The following NFKB1 variants were observed in gnomAD, a reference collection of about 807,000 sequenced individuals.
The protein encoded by NFKB1 is nuclear factor kappa B subunit 1.
Under a neutral mutation model 105.1 loss-of-function variants are expected in NFKB1, and 9 were observed. The ratio of observed to expected loss-of-function variants is 0.09; its 90% CI spans 0.05 to 0.15. The LOEUF is 0.15. Among genes scored for constraint, NFKB1 ranks in the 10% least tolerant of loss-of-function variants. The probability of loss-of-function intolerance (pLI) is 1.00; values close to 1 mark genes in which losing one functional copy is unlikely to be tolerated. For synonymous variants in NFKB1, 440 were observed against 442.2 expected (o/e 1.00, Z 0.06); for missense variants, 830 against 1,203.7 (o/e 0.69, Z 4.59).
intron 14 of NFKB1, 54 bp downstream of exon 14, chr4:102,596,386 T>C (rs1726620206): frequency 7.0e-7 from 1 of 1,429,790 alleles, no homozygotes; most frequent in Non-Finnish European, 9.4e-7. Context: ...GGGTCAGTCC[T>C]AGGTGCAGAA....
At chr4:102,599,731 A>T (rs1274578850) in intron 15 of NFKB1, among the ~76,000 whole-genome samples, 1 of 152,204 alleles carries the variant, frequency 6.6e-6, no homozygotes, top group Non-Finnish European at 1.5e-5. Flanking sequence ...TCTCAGTTTC[A>T]TTAGCTGAAA....
chr4:102,536,408 A>G (rs1741638064), intron 4 of NFKB1, among the ~76,000 whole-genome samples: 1 of 152,158 alleles, frequency 6.6e-6, no homozygotes, highest in African/African-American at 2.4e-5. Flanking sequence ...GAAATTTCCC[A>G]GACCGGGGAA....
chr4:102,544,691 T>C (rs1721995994), intron 5 of NFKB1, among the ~76,000 whole-genome samples: 2 of 152,308 alleles, frequency 1.3e-5, no homozygotes, highest in East Asian at 3.9e-4. Context: ...AATATTTTTT[T>C]AAATAGCCCT....
At chr4:102,516,980 C>G (rs1185133611) in intron 1 of NFKB1, among the ~76,000 whole-genome samples, 1 of 152,170 alleles carries the variant, frequency 6.6e-6, no homozygotes, top group African/African-American at 2.4e-5. Flanking sequence ...ATTACAAATT[C>G]AGTGTCTCTC....
intron 22 of NFKB1, 120 bp downstream of exon 22, chr4:102,612,726 C>T (rs1728542787): frequency 1.0e-6 from 1 of 1,004,120 alleles, no homozygotes; most frequent in Non-Finnish European, 1.4e-6. Flanking sequence ...CAGTCATTGC[C>T]CAAGGCCTGG....
At chr4:102,518,538 A>G (rs914481422) in intron 1 of NFKB1, among the ~76,000 whole-genome samples, 1 of 152,048 alleles carries the variant, frequency 6.6e-6, no homozygotes, top group African/African-American at 2.4e-5. Flanking sequence ...GTTTTTGCCT[A>G]TTTGCCTTCC....
At chr4:102,602,313 G>A (rs2149215177) in intron 16 of NFKB1, among the ~76,000 whole-genome samples, 1 of 151,632 alleles carries the variant, frequency 6.6e-6, no homozygotes, top group East Asian at 1.9e-4. Context: ...GGCGGATCAT[G>A]AGATCAGGAG....
intron 11 of NFKB1, among the ~76,000 whole-genome samples, chr4:102,589,263 G>A (rs1174895507): frequency 6.6e-6 from 1 of 152,124 alleles, no homozygotes; most frequent in African/African-American, 2.4e-5. Flanking sequence ...ATTTATTTCT[G>A]AAGATAAATA....
rs746552172 is a variant in NFKB1, at chr4:102,577,675, C to T, written c.571+636C>T. On this transcript the variant is annotated intron_variant, in intron 7 of 23. Transcript: ENST00000226574. ...CATCTGATACTCATGTGATTCAAAA[C>T]CGATTATCAGTTTTCCACTAAATAT... is the stretch of plus-strand genomic sequence containing the variant. The T allele has an allele frequency of 7.9e-5, 19 of 241,624 alleles. 1 individual carries two copies. Among genetic ancestry groups the T allele is most frequent in the Admixed American group, 3.2e-4 (5 of 15,402 alleles). 15.0% of individuals were successfully genotyped at this position (241,624 alleles called of 1,614,324 possible).
In NFKB1 at chr4:102,610,619, G is replaced by A; in HGVS notation, c.2272G>A (p.Asp758Asn). ...VENFEPLYDL[D>N]DSWENAGEDE... The stretch of plus-strand genomic sequence containing the variant: ...GAACTTTGAGCCTCTCTATGACCTG[G>A]ATGACTCTTGGGAAAATGCAGGAGA... The change falls in exon 20 of 24, where the codon GAT becomes AAT. Residue 758 changes from aspartate (D) to asparagine (N), a missense_variant. Physicochemically the swap from Asp to Asn is conservative, Grantham distance 23. Transcript: ENST00000226574. The A allele has an allele frequency of 6.2e-7, 1 of 1,614,012 alleles. No homozygotes were observed. The highest frequency in any genetic ancestry group is 8.5e-7 in the Non-Finnish European group (1 of 1,179,964).
intron 5 of NFKB1, among the ~76,000 whole-genome samples, chr4:102,557,635 A>T (rs1035085537): frequency 5.9e-5 from 9 of 152,316 alleles, no homozygotes; most frequent in African/African-American, 2.2e-4. Flanking sequence ...CAAATCCTGG[A>T]TCCCTGAGGG....
At chr4:102,529,947 C>A in intron 3 of NFKB1, 33 bp downstream of exon 3, 1 of 1,482,952 alleles carries the variant, frequency 6.7e-7, no homozygotes, top group Non-Finnish European at 9.4e-7. Context: ...CCCTGTTGTT[C>A]TGCTTTCAGT....
intron 5 of NFKB1, among the ~76,000 whole-genome samples, chr4:102,544,455 G>A (rs230520): frequency 0.73 from 110,783 of 152,036 alleles, 41,716 homozygotes; most frequent in African/African-American, 0.92. Flanking sequence ...GCTCTTCCAT[G>A]CATTTGCAGA....
chr4:102,533,862 C>A lies in NFKB1; in HGVS notation c.136C>A (p.Gln46Lys). 6.2e-7 allele frequency: 1 copy of A among 1,612,470 alleles called. No homozygotes were observed. ...GTTTTTAGCAGATGGCCCATACCTT[C>A]AAATATTAGAGCAACCTAAACAGGT... ...ALPTADGPYL[Q>K]ILEQPKQRGF... Residue 46 changes from glutamine (Q) to lysine (K), a missense_variant, in exon 4 of 24, where the codon CAA becomes AAA. Around this residue, in one of 8 missense-constraint regions of NFKB1, gnomAD observed 15 missense variants for 45.9 expected, o/e 0.33. Transcript: ENST00000226574.
rs4648093 is a variant in NFKB1, at chr4:102,606,498, G to C, written c.1755G>C (p.Thr585=). The change falls in exon 17 of 24, where the codon ACG becomes ACC. Residue 585 remains threonine, a splice_region_variant and synonymous_variant. Transcript: ENST00000226574. ...TCTCCTGCCCTTTCACTTTCCAGACGCCCTTGCACTTGGCAGTGATCACTA... is the reference window on the plus strand; with the variant it reads ...TCTCCTGCCCTTTCACTTTCCAGACCCCCTTGCACTTGGCAGTGATCACTA... ...IINMRNDLYQ[T]PLHLAVITKQ... 1 of 1,613,836 alleles carries C rather than the reference G, an allele frequency of 6.2e-7. No individual in the cohort carries two copies.
In NFKB1 at chr4:102,567,188, T is replaced by C. The variant is rs956995640; in HGVS notation, c.407+53T>C. 5 of 1,580,406 alleles carry C rather than the reference T, an allele frequency of 3.2e-6. No homozygotes were observed. In the South Asian group the frequency reaches 3.4e-5, roughly 11 times the overall value. Reference sequence around the variant, plus strand: ...AGGTAGGAACAGATAGAATATGGGATGCAGGAACTTAGAATGAACAGGCCC... The same window carrying C: ...AGGTAGGAACAGATAGAATATGGGACGCAGGAACTTAGAATGAACAGGCCC... On this transcript the variant is annotated intron_variant, in intron 6 of 23. Transcript: ENST00000226574.
chr4:102,585,479 G>T (rs563497581), intron 11 of NFKB1, among the ~76,000 whole-genome samples: 1 of 152,194 alleles, frequency 6.6e-6, no homozygotes, highest in Admixed American at 6.6e-5. Flanking sequence ...CAGGCTTGCT[G>T]TTTAGGAGAA....
intron 5 of NFKB1, among the ~76,000 whole-genome samples, chr4:102,562,268 C>T (rs957748424): frequency 2.0e-5 from 3 of 152,204 alleles, no homozygotes; most frequent in Non-Finnish European, 4.4e-5. Flanking sequence ...CCTCAGGAAG[C>T]TTTCCCTGAC....
chr4:102,566,699 C>A (rs940373806), intron 5 of NFKB1, among the ~76,000 whole-genome samples: 1 of 152,152 alleles, frequency 6.6e-6, no homozygotes, highest in African/African-American at 2.4e-5. Flanking sequence ...AACACAGCAT[C>A]CTCTAAGATG....
Sources: gnomAD v4.1 joint callset for allele counts (sites outside exome capture counted in the v4.1 genomes callset) on GRCh38, gnomAD v4.1.1 for gene constraint, gnomAD v4.1.1 regional missense constraint, MANE v1.5 for transcripts, NCBI Gene and HGNC (gene_info 2026-07-23, HGNC 2026-07-21) for gene names.